The following L3MBTL3 variants were observed in gnomAD, a reference collection of about 807,000 sequenced individuals.
L3MBTL3 encodes L3MBTL histone methyl-lysine binding protein 3.
A neutral mutation model predicts 102.3 loss-of-function variants in L3MBTL3; 27 were observed. The ratio of observed to expected loss-of-function variants is 0.26; its 90% CI spans 0.19 to 0.36. The LOEUF (loss-of-function observed/expected upper bound fraction) is 0.36, where lower values mean the gene tolerates loss of function less well. Ranked by LOEUF, L3MBTL3 falls within the 10% of genes least tolerant of loss-of-function variation. L3MBTL3 has a pLI of 1.00. For synonymous variants in L3MBTL3, 340 were observed against 320.9 expected (o/e 1.06, Z -0.64); for missense variants, 798 against 955.3 (o/e 0.84, Z 2.17).
At chr6:130,083,733 G>T in intron 15 of L3MBTL3, 28 bp downstream of exon 15, 1 of 1,113,428 alleles carries the variant, frequency 9.0e-7, no homozygotes, top group Non-Finnish European at 1.3e-6. Flanking sequence ...ATTAATTTGC[G>T]TGGATGAGAT....
intron 15 of L3MBTL3, among the ~76,000 whole-genome samples, chr6:130,085,877 C>T (rs1415590524): frequency 1.3e-5 from 2 of 152,038 alleles, no homozygotes; most frequent in East Asian, 1.9e-4. Context: ...CTCAGCCTCC[C>T]GAGTAGCTGG....
At chr6:130,136,084 C>A (rs1182148232) in intron 22 of L3MBTL3, among the ~76,000 whole-genome samples, 2 of 150,092 alleles carry the variant, frequency 1.3e-5, no homozygotes, top group Non-Finnish European at 2.9e-5. Context: ...ACCCTTATCA[C>A]CCTACTGCCA....
chr6:130,076,841 T>TTA (rs1234680380), intron 13 of L3MBTL3, among the ~76,000 whole-genome samples: 9 of 152,144 alleles, frequency 5.9e-5, no homozygotes, highest in African/African-American at 1.9e-4. Flanking sequence ...AAAACAGTAA[T>TTA]ATTTTTATCT....
chr6:130,066,573 C>T (rs1782275518), intron 11 of L3MBTL3, 85 bp downstream of exon 11: 2 of 1,241,210 alleles, frequency 1.6e-6, no homozygotes, highest in East Asian at 2.7e-5. Flanking sequence ...AGAATTCAGA[C>T]TTTATGAAAA....
At chr6:130,036,335 G>C (rs1344483466) in intron 2 of L3MBTL3, among the ~76,000 whole-genome samples, 1 of 152,038 alleles carries the variant, frequency 6.6e-6, no homozygotes, top group Admixed American at 6.5e-5. Context: ...GTACCCATAG[G>C]CTTCAAAATT....
chr6:130,093,602 T>A (rs996862246), intron 17 of L3MBTL3, among the ~76,000 whole-genome samples: 2 of 152,188 alleles, frequency 1.3e-5, no homozygotes, highest in Admixed American at 6.5e-5. Flanking sequence ...GTAGAAACTA[T>A]GCAGTAGTCA....
rs564494664 is a variant in L3MBTL3, at chr6:130,072,048, A to G, written c.1244+921A>G. ...AAAAATGTAGACAGTTAGTTCCATGATTAGATTACACAGACCCAAGTACGG... is the reference window on the plus strand; with the variant it reads ...AAAAATGTAGACAGTTAGTTCCATGGTTAGATTACACAGACCCAAGTACGG... On this transcript the variant is annotated intron_variant, in intron 13 of 22. Coordinates refer to ENST00000361794, the MANE Select transcript of L3MBTL3 (RefSeq NM_032438.4). Among the ~76,000 whole-genome samples, 18 of 152,268 alleles carry G rather than the reference A, an allele frequency of 1.2e-4. 1 individual carries two copies. The South Asian group carries it at 1.2e-3, about 11-fold the overall frequency.
chr6:130,081,654 T>A (rs780863031), intron 14 of L3MBTL3, among the ~76,000 whole-genome samples: 3 of 151,914 alleles, frequency 2.0e-5, no homozygotes, highest in Non-Finnish European at 4.4e-5. Context: ...CTCAATCTCC[T>A]GACCTCGTGA....
chr6:130,116,622 G>A (rs989592471), intron 19 of L3MBTL3, among the ~76,000 whole-genome samples: 3 of 152,046 alleles, frequency 2.0e-5, no homozygotes, highest in Admixed American at 2.0e-4. Flanking sequence ...GCATGGTAGC[G>A]CATGCCTGTA....
chr6:130,055,599 CCTCT>C (rs1413441279), intron 8 of L3MBTL3, among the ~76,000 whole-genome samples: 4 of 117,442 alleles, frequency 3.4e-5, no homozygotes, highest in East Asian at 2.8e-4. Context: ...TCTCTCCCTC[CCTCT>C]CTGTCTCCGC....
At chr6:130,050,518 AC>A (rs1781031669) in intron 5 of L3MBTL3, among the ~76,000 whole-genome samples, 1 of 152,090 alleles carries the variant, frequency 6.6e-6, no homozygotes, top group Non-Finnish European at 1.5e-5. Flanking sequence ...CTCTGACCTT[AC>A]CCCAGGCTGA....
At chr6:130,049,504 C>A in intron 4 of L3MBTL3, 111 bp downstream of exon 4, 1 of 762,128 alleles carries the variant, frequency 1.3e-6, no homozygotes, top group Non-Finnish European at 2.1e-6. Flanking sequence ...AATTTTTGTG[C>A]CTCATGTTGT....
Position 130,140,263 on chromosome 6 carries a change from T to C in L3MBTL3, c.*510T>C, listed in dbSNP as rs1246977462. On this transcript the variant is annotated 3_prime_UTR_variant, in exon 23 of 23. Coordinates refer to ENST00000361794, the MANE Select transcript of L3MBTL3 (RefSeq NM_032438.4). Reference sequence around the variant, plus strand: ...TTGTGCCATATTTTGAATTGCAACATTATGCTAAGTATAACTTTGCAAGTC... The same window carrying C: ...TTGTGCCATATTTTGAATTGCAACACTATGCTAAGTATAACTTTGCAAGTC... 1 of 153,544 alleles carries C rather than the reference T, an allele frequency of 6.5e-6. No individual in the cohort carries two copies. Among genetic ancestry groups the C allele is most frequent in the Non-Finnish European group, 1.5e-5 (1 of 68,746 alleles). 9.5% of individuals were successfully genotyped at this position (153,544 alleles called of 1,614,324 possible).
At chr6:130,045,630 G>C (rs1364372609) in intron 3 of L3MBTL3, among the ~76,000 whole-genome samples, 4 of 152,136 alleles carry the variant, frequency 2.6e-5, no homozygotes, top group African/African-American at 9.7e-5. Context: ...CTATACTGCT[G>C]TCTAAAGAGA....
chr6:130,139,588 T>C, intron 22 of L3MBTL3, 22 bp from the exon 23 acceptor site: 1 of 1,606,944 alleles, frequency 6.2e-7, no homozygotes, highest in East Asian at 2.2e-5. Context: ...CCACATTCTG[T>C]TGTTTTTTTC....
At chr6:130,091,758 G>C (rs1465200434) in intron 16 of L3MBTL3, among the ~76,000 whole-genome samples, 3 of 152,128 alleles carry the variant, frequency 2.0e-5, no homozygotes, top group South Asian at 4.2e-4. Context: ...GCCAGGCACA[G>C]AAAGACAAAT....
intron 22 of L3MBTL3, among the ~76,000 whole-genome samples, chr6:130,136,297 A>G (rs1787648651): frequency 6.6e-6 from 1 of 152,220 alleles, no homozygotes; most frequent in Admixed American, 6.5e-5. Context: ...GAGTAAAAGC[A>G]GAAGTCCTTA....
intron 14 of L3MBTL3, among the ~76,000 whole-genome samples, chr6:130,080,738 T>C (rs1233952296): frequency 6.6e-6 from 1 of 152,154 alleles, no homozygotes; most frequent in Non-Finnish European, 1.5e-5. Context: ...CACAACAATA[T>C]GAATATACAT....
At position 130,060,083 on chromosome 6, in the gene L3MBTL3, A is replaced by G; in HGVS notation, c.807A>G (p.Lys269=). 1 of 1,613,870 alleles carries G rather than the reference A, an allele frequency of 6.2e-7. No individual in the cohort carries two copies. Among genetic ancestry groups the G allele is most frequent in the South Asian group, 1.1e-5 (1 of 91,056 alleles). The change falls in exon 10 of 23, where the codon AAA becomes AAG. Residue 269 remains lysine (K), a synonymous_variant. Coordinates refer to ENST00000361794, the MANE Select transcript of L3MBTL3 (RefSeq NM_032438.4). ...YNKNGFKVGM[K]LEGVDPEHQS... is the part of the protein sequence containing the mutation. Reference sequence around the variant, plus strand: ...AAAATGGATTCAAAGTTGGCATGAAATTAGAAGGCGTGGATCCTGAGCATC... The same window carrying G: ...AAAATGGATTCAAAGTTGGCATGAAGTTAGAAGGCGTGGATCCTGAGCATC...
Sources: gnomAD v4.1 joint callset for allele counts (sites outside exome capture counted in the v4.1 genomes callset) on GRCh38, gnomAD v4.1.1 for gene constraint, MANE v1.5 for transcripts, NCBI Gene and HGNC (gene_info 2026-07-23, HGNC 2026-07-21) for gene names.